Variants in YIPF7 observed in about 807,000 individuals in gnomAD.
YIPF7 encodes Yip1 domain family member 7, also known as protein YIPF7.
A neutral mutation model predicts 27.2 loss-of-function variants in YIPF7; 35 were observed. The ratio of observed to expected loss-of-function variants is 1.29; its 90% CI spans 0.98 to 1.70. The LOEUF is 1.70. Among genes scored for constraint, YIPF7 ranks in the 40% most tolerant of loss-of-function variants. YIPF7 has a pLI of 0.00. For missense variants in YIPF7, 358 were observed against 303.7 expected (o/e 1.18, Z -1.33); for synonymous variants, 137 against 110.4 (o/e 1.24, Z -1.51).
At chr4:44,652,718 G>T (rs563135108), upstream of YIPF7, among the ~76,000 whole-genome samples, 4 of 152,226 alleles carry the variant, frequency 2.6e-5, no homozygotes, top group African/African-American at 9.6e-5. Context: ...AACATTTAAA[G>T]AGTTACATCT....
intron 3 of YIPF7, among the ~76,000 whole-genome samples, chr4:44,632,966 AGCAGTGG>A (rs202035379): frequency 0.014 from 2,070 of 152,278 alleles, 22 homozygotes; most frequent in Middle Eastern, 0.031. Context: ...GGTGGAGGTG[AGCAGTGG>A]GCAGTGGGCG....
In YIPF7 at chr4:44,640,718, T is replaced by C. The variant is rs1016017556; in HGVS notation, c.117-4633A>G. On this transcript the variant is annotated intron_variant, in intron 2 of 5. Coordinates refer to ENST00000415895, the MANE Select transcript of YIPF7 (RefSeq NM_182592.3). ...CTCAACACTAAGCCTTCATGGCAACTCTCATCCTGCTCAAGTAGGAGGAGC... is the reference window on the plus strand; with the variant it reads ...CTCAACACTAAGCCTTCATGGCAACCCTCATCCTGCTCAAGTAGGAGGAGC... Among the ~76,000 whole-genome samples the C allele has an allele frequency of 5.3e-5, 8 of 152,102 alleles. No individual in the cohort carries two copies. In the South Asian group the frequency reaches 6.2e-4, roughly 12 times the overall value.
chr4:44,651,628 T>C, upstream of YIPF7: 1 of 1,578,880 alleles, frequency 6.3e-7, no homozygotes, highest in African/African-American at 1.3e-5. Context: ...AATCCATTGG[T>C]GAAAAGATGA....
At chr4:44,649,842 T>C (rs1379323646) in intron 2 of YIPF7, 143 bp downstream of exon 2, 2 of 559,856 alleles carry the variant, frequency 3.6e-6, no homozygotes, top group Non-Finnish European at 6.2e-6. Flanking sequence ...TCTTGGATTT[T>C]TTTTGTGGGT....
chr4:44,630,222 C>A (rs939029901), intron 3 of YIPF7, among the ~76,000 whole-genome samples: 1 of 152,172 alleles, frequency 6.6e-6, no homozygotes, highest in Non-Finnish European at 1.5e-5. Flanking sequence ...CCTGCCTCGG[C>A]CTCCCAAAGT....
intron 2 of YIPF7, among the ~76,000 whole-genome samples, chr4:44,660,136 A>C (rs1315145449): frequency 6.8e-6 from 1 of 146,530 alleles, no homozygotes; most frequent in Non-Finnish European, 1.5e-5. Flanking sequence ...AAAAAAAAAA[A>C]CGAACCTTAC....
intron 3 of YIPF7, among the ~76,000 whole-genome samples, chr4:44,635,624 A>C (rs1361228150): frequency 6.6e-6 from 1 of 152,208 alleles, no homozygotes; most frequent in Non-Finnish European, 1.5e-5. Context: ...CTCTGCCAAA[A>C]GATGTCTTCA....
In YIPF7 at chr4:44,622,370, T is replaced by C. The variant is rs890818367; in HGVS notation, c.*44A>G. On this transcript the variant is annotated 3_prime_UTR_variant, in exon 6 of 6. Transcript: ENST00000415895. ...GAATGTTAATATATTTCCAAAATAA[T>C]CTGGACAGCAAACAGAGTCTTGAAA... is the stretch of plus-strand genomic sequence containing the variant. The C allele has an allele frequency of 6.4e-7, 1 of 1,572,924 alleles. No homozygotes were observed. The highest frequency in any genetic ancestry group is 8.6e-7 in the Non-Finnish European group (1 of 1,160,928).
At chr4:44,631,003 GT>G in intron 3 of YIPF7, among the ~76,000 whole-genome samples, 1 of 152,288 alleles carries the variant, frequency 6.6e-6, no homozygotes. Flanking sequence ...AATTTACTGA[GT>G]GTTTGCTATG....
rs753960804 is a variant in YIPF7, at chr4:44,650,035, C to T, written c.66G>A (p.Glu22=). 23 of 1,590,972 alleles carry T rather than the reference C, an allele frequency of 1.4e-5. No individual in the cohort carries two copies. The highest frequency in any genetic ancestry group is 2.7e-5 in the African/African-American group (2 of 74,490). The part of the protein sequence containing the change: ...YQSNFTIDNQ[E]QSGNDSNAYG... Reference sequence around the variant, plus strand: ...AGGCATTAGAGTCATTACCACTCTGCTCCTGGTTATCAATAGTAAAATTAG... The same window carrying T: ...AGGCATTAGAGTCATTACCACTCTGTTCCTGGTTATCAATAGTAAAATTAG... The change falls in exon 2 of 6, where the codon GAG becomes GAA. Residue 22 remains glutamate, a synonymous_variant. Coordinates refer to ENST00000415895, the MANE Select transcript of YIPF7 (RefSeq NM_182592.3).
At position 44,622,397 on chromosome 4, in the gene YIPF7, G is replaced by A. The variant is rs1455445660; in HGVS notation, c.*17C>T. 1 of 1,604,488 alleles carries A rather than the reference G, an allele frequency of 6.2e-7. No homozygotes were observed. The highest frequency in any genetic ancestry group is 8.5e-7 in the Non-Finnish European group (1 of 1,175,962). On this transcript the variant is annotated 3_prime_UTR_variant, in exon 6 of 6. Coordinates refer to ENST00000415895, the MANE Select transcript of YIPF7 (RefSeq NM_182592.3). ...TGGACAGCAAACAGAGTCTTGAAAT[G>A]CCATCTCAAACATTCTTTAGAAAAT...
In YIPF7 at chr4:44,626,763, C is replaced by CTTTTTTTTTTTTTTTTTTTT. The variant is rs71190269; in HGVS notation, c.427-2001_427-1982dup. On this transcript the variant is annotated intron_variant, in intron 4 of 5. Transcript: ENST00000415895. ...CCCTATTCCATCCTCATTAGCACATCTTTTTTTTTTTTTTTTTTTTTTTTT... is the reference window on the plus strand; with the variant it reads ...CCCTATTCCATCCTCATTAGCACATCTTTTTTTTTTTTTTTTTTTTTTTTTTTTTTTTTTTTTTTTTTTTT... Among the ~76,000 whole-genome samples, 15 of 69,778 alleles carry CTTTTTTTTTTTTTTTTTTTT rather than the reference C, an allele frequency of 2.1e-4. 5 individuals are homozygous for CTTTTTTTTTTTTTTTTTTTT. Among genetic ancestry groups the CTTTTTTTTTTTTTTTTTTTT allele is most frequent in the African/African-American group, 2.4e-4 (4 of 16,698 alleles). The allele number at this position is 69,778 out of a possible 152,430, so 45.8% of individuals were successfully genotyped here.
At chr4:44,644,645 T>C (rs961372818) in intron 2 of YIPF7, among the ~76,000 whole-genome samples, 2 of 152,156 alleles carry the variant, frequency 1.3e-5, no homozygotes, top group Admixed American at 1.3e-4. Flanking sequence ...ACTTTGGACT[T>C]GGACTTTTGA....
intron 2 of YIPF7, among the ~76,000 whole-genome samples, chr4:44,659,195 G>T (rs1303475685): frequency 1.3e-5 from 2 of 151,872 alleles, no homozygotes; most frequent in African/African-American, 4.8e-5. Flanking sequence ...ACTGGGGTTT[G>T]TGAGTGTGCA....
chr4:44,630,321 T>C (rs1043519348), intron 3 of YIPF7, among the ~76,000 whole-genome samples: 6 of 152,166 alleles, frequency 3.9e-5, no homozygotes, highest in African/African-American at 1.4e-4. Flanking sequence ...ATATTGGCCA[T>C]GGCATAATTT....
In YIPF7 at chr4:44,622,410, T is replaced by C; in HGVS notation, c.*4A>G. 6.2e-7 allele frequency: 1 copy of C among 1,609,932 alleles called. No homozygotes were observed. Among genetic ancestry groups the C allele is most frequent in the Non-Finnish European group, 8.5e-7 (1 of 1,178,220 alleles). ...GAGTCTTGAAATGCCATCTCAAACA[T>C]TCTTTAGAAAATTGTTAGGAGGGCA... On this transcript the variant is annotated 3_prime_UTR_variant, in exon 6 of 6. Transcript: ENST00000415895.
At chr4:44,636,188 G>T in intron 2 of YIPF7, 103 bp from the exon 3 acceptor site, 1 of 1,215,064 alleles carries the variant, frequency 8.2e-7, no homozygotes, top group Non-Finnish European at 1.1e-6. Context: ...TAGTTTTTAT[G>T]AGTATTTACT....
chr4:44,641,266 T>C (rs150424541), intron 2 of YIPF7, among the ~76,000 whole-genome samples: 2 of 152,158 alleles, frequency 1.3e-5, no homozygotes, highest in Non-Finnish European at 2.9e-5. Context: ...GATAATATAT[T>C]AGAAGTGTGA....
intron 3 of YIPF7, among the ~76,000 whole-genome samples, chr4:44,631,303 A>G: frequency 6.6e-6 from 1 of 152,146 alleles, no homozygotes; most frequent in Non-Finnish European, 1.5e-5. Flanking sequence ...GTCTTCCTAA[A>G]TGTATTTATA....
Sources: allele counts gnomAD v4.1 joint callset (sites outside exome capture counted in the v4.1 genomes callset), GRCh38; gene constraint gnomAD v4.1.1; transcripts MANE v1.5; gene names NCBI Gene and HGNC (gene_info 2026-07-23, HGNC 2026-07-21).